Variants in PPFIBP2 observed in about 807,000 individuals in gnomAD.
PPFIBP2 encodes PPFIB scaffold protein 2, also known as liprin-beta-2.
A neutral mutation model predicts 118.3 loss-of-function variants in PPFIBP2; 118 were observed. The observed-to-expected ratio is 1.00, with a 90% CI of 0.86 to 1.16. The LOEUF is 1.16. PPFIBP2 is among the 50% of genes most tolerant of loss of function. The probability of loss-of-function intolerance (pLI) is 0.00; values close to 1 mark genes in which losing one functional copy is unlikely to be tolerated. For synonymous variants in PPFIBP2, 414 were observed against 397.4 expected (o/e 1.04, Z -0.50); for missense variants, 1,195 against 1,073.1 (o/e 1.11, Z -1.59).
At chr11:7,655,213 T>C (rs1476271863), downstream of PPFIBP2, among the ~76,000 whole-genome samples, 1 of 152,164 alleles carries the variant, frequency 6.6e-6, no homozygotes, top group African/African-American at 2.4e-5. Flanking sequence ...AGGAGAGGTA[T>C]GCATGCAGTG....
intron 12 of PPFIBP2, among the ~76,000 whole-genome samples, chr11:7,634,043 T>A (rs1251902014): frequency 6.6e-6 from 1 of 152,026 alleles, no homozygotes; most frequent in Non-Finnish European, 1.5e-5. Flanking sequence ...TAGCAAGTGA[T>A]GTTCTGGAGC....
intron 1 of PPFIBP2, among the ~76,000 whole-genome samples, chr11:7,548,154 C>T (rs1219484819): frequency 2.6e-5 from 4 of 152,168 alleles, no homozygotes; most frequent in African/African-American, 9.7e-5. Flanking sequence ...GCTCAGAGAT[C>T]ACACAGTACA....
At chr11:7,575,997 G>A (rs1296263428) in intron 3 of PPFIBP2, among the ~76,000 whole-genome samples, 5 of 152,206 alleles carry the variant, frequency 3.3e-5, no homozygotes, top group African/African-American at 9.7e-5. Context: ...CCTCCTTGCC[G>A]CCTCTGTGAT....
At chr11:7,642,609 A>T (rs886656217) in intron 17 of PPFIBP2, among the ~76,000 whole-genome samples, 183 bp downstream of exon 17, 10 of 152,162 alleles carry the variant, frequency 6.6e-5, no homozygotes, top group Non-Finnish European at 1.3e-4. Context: ...GTTCTGAGTT[A>T]CTCAGCCAAG....
rs535557754 is a variant in PPFIBP2 at position 7,639,115 on chromosome 11, C to T, written c.1237-617C>T. Among the ~76,000 whole-genome samples the T allele has an allele frequency of 1.0e-3, 156 of 152,258 alleles. 2 individuals are homozygous for T. The highest frequency in any genetic ancestry group is 3.4e-3 in the African/African-American group (143 of 41,520). ...TATAATTTCCCTTCTGTACCATAGC[C>T]GCTCTCAGGCAAGATCCATATCATT... On this transcript the variant is annotated intron_variant, in intron 14 of 23. Transcript: ENST00000299492.
At chr11:7,555,382 AAAC>A (rs1853487774) in intron 2 of PPFIBP2, among the ~76,000 whole-genome samples, 2 of 152,330 alleles carry the variant, frequency 1.3e-5, no homozygotes, top group East Asian at 3.9e-4. Context: ...TGTAAAAAGA[AAAC>A]AACAAAAGAT....
chr11:7,620,536 C>T (rs1849222703), intron 6 of PPFIBP2, among the ~76,000 whole-genome samples: 1 of 152,138 alleles, frequency 6.6e-6, no homozygotes, highest in Admixed American at 6.5e-5. Flanking sequence ...GAGATGCTCC[C>T]AATTAGCCTG....
chr11:7,527,136 T>C (rs1850303456), intron 1 of PPFIBP2, among the ~76,000 whole-genome samples: 2 of 151,684 alleles, frequency 1.3e-5, no homozygotes, highest in South Asian at 4.1e-4. Context: ...TCTGACTGTC[T>C]GCACCTTGGG....
Position 7,620,943 on chromosome 11 carries a change from G to T in PPFIBP2, c.627G>T (p.Leu209=). 1 of 1,608,098 alleles carries T rather than the reference G, an allele frequency of 6.2e-7. No individual in the cohort carries two copies. Among genetic ancestry groups the T allele is most frequent in the Middle Eastern group, 1.7e-4 (1 of 6,044 alleles). Residue 209 remains leucine (L), a synonymous_variant, in exon 7 of 24, where the codon CTG becomes CTT. Transcript: ENST00000299492. Reference sequence around the variant, plus strand: ...TCTCCCTCATCCCCTAGGAGTTACTGCAAGAGCTCAGGCACCTCAAAATCA... The same window carrying T: ...TCTCCCTCATCCCCTAGGAGTTACTTCAAGAGCTCAGGCACCTCAAAATCA... The part of the protein sequence containing the change: ...EEKQRKAEEL[L]QELRHLKIKV...
chr11:7,550,015 A>G (rs1242535205), intron 2 of PPFIBP2, among the ~76,000 whole-genome samples: 3 of 152,166 alleles, frequency 2.0e-5, no homozygotes, highest in Non-Finnish European at 1.5e-5. Flanking sequence ...TCTTTATGCC[A>G]TATTGTTTTT....
chr11:7,642,199 C>A, intron 16 of PPFIBP2, 99 bp from the exon 17 acceptor site: 1 of 1,424,830 alleles, frequency 7.0e-7, no homozygotes, highest in Non-Finnish European at 9.7e-7. Flanking sequence ...TGCCGAGAGT[C>A]CCTGTGCTGG....
intron 3 of PPFIBP2, among the ~76,000 whole-genome samples, chr11:7,572,306 G>C (rs1855741017): frequency 6.6e-6 from 1 of 152,158 alleles, no homozygotes; most frequent in Non-Finnish European, 1.5e-5. Context: ...CCCTTTTCCT[G>C]ACACAGCAGC....
intron 17 of PPFIBP2, among the ~76,000 whole-genome samples, chr11:7,645,652 C>T (rs548714350): frequency 1.3e-4 from 20 of 152,124 alleles, no homozygotes; most frequent in Middle Eastern, 3.4e-3. Context: ...GTGTGAACAC[C>T]TCAAGGCTTA....
intron 5 of PPFIBP2, among the ~76,000 whole-genome samples, chr11:7,599,837 G>A (rs61890241): frequency 0.018 from 2,719 of 149,178 alleles, 38 homozygotes; most frequent in Non-Finnish European, 0.031. Context: ...GTAGAGACGG[G>A]GTTTCACCAT....
intron 1 of PPFIBP2, among the ~76,000 whole-genome samples, chr11:7,530,959 G>T (rs1247709423): frequency 6.6e-6 from 1 of 152,178 alleles, no homozygotes; most frequent in Non-Finnish European, 1.5e-5. Context: ...TAAAGACTCT[G>T]CTTTATGGAA....
rs758896924 is a variant in PPFIBP2, at chr11:7,597,365, C to T, written c.373-195C>T. 6 of 1,535,906 alleles carry T rather than the reference C, an allele frequency of 3.9e-6. No individual in the cohort carries two copies. In the African/African-American group the frequency reaches 6.8e-5, roughly 18 times the overall value. On this transcript the variant is annotated intron_variant, in intron 4 of 23. Coordinates refer to ENST00000299492, the MANE Select transcript of PPFIBP2 (RefSeq NM_003621.5). ...GTCATCAGAGCAGTGGCCGAGACTC[C>T]CTGGTAAGGTAAGAATCTAACTGCA...
chr11:7,639,698 T>A, intron 14 of PPFIBP2, 34 bp from the exon 15 acceptor site: 1 of 1,613,464 alleles, frequency 6.2e-7, no homozygotes, highest in Non-Finnish European at 8.5e-7. Context: ...GACAGTTAAG[T>A]CGGTATCTCT....
intron 1 of PPFIBP2, among the ~76,000 whole-genome samples, chr11:7,531,008 A>G (rs1276102200): frequency 6.6e-6 from 1 of 152,104 alleles, no homozygotes; most frequent in African/African-American, 2.4e-5. Context: ...GTCCCAGGAG[A>G]TCATTAGACC....
intron 1 of PPFIBP2, among the ~76,000 whole-genome samples, chr11:7,548,098 A>G (rs1409370373): frequency 2.6e-5 from 4 of 152,248 alleles, no homozygotes; most frequent in Admixed American, 2.6e-4. Context: ...CATGACATCT[A>G]TGAGTTAGAT....
Sources: allele counts gnomAD v4.1 joint callset (sites outside exome capture counted in the v4.1 genomes callset), GRCh38; gene constraint gnomAD v4.1.1; transcripts MANE v1.5; gene names NCBI Gene and HGNC (gene_info 2026-07-23, HGNC 2026-07-21).